DLGAP5: variants seen among roughly 807,000 people sequenced by gnomAD.
The protein encoded by DLGAP5 is DLG associated protein 5, also known as disks large-associated protein 5.
DLGAP5 carries 90 observed loss-of-function variants against 99.6 expected under a neutral mutation model. That is an observed-to-expected ratio of 0.90 (90% CI 0.76 to 1.08). The LOEUF (loss-of-function observed/expected upper bound fraction) is 1.08. DLGAP5 is among the 50% of genes least tolerant of loss of function. DLGAP5 has a pLI of 0.00. For synonymous variants in DLGAP5, 311 were observed against 321.3 expected (o/e 0.97, Z 0.34); for missense variants, 1,036 against 983.5 (o/e 1.05, Z -0.71).
chr14:55,175,901 C>G lies in DLGAP5; in HGVS notation c.1167G>C (p.Trp389Cys). The G allele has an allele frequency of 6.3e-7, 1 of 1,591,312 alleles. No individual in the cohort carries two copies. ...ATTAATTAAATACTATACCTTCATG[C>G]CAAACAGTTAGAGGACCCAAAGGAC... Reference protein sequence around the residue: ...LPCPLGPLTVWHEEHVLNKNE... With the variant: ...LPCPLGPLTVCHEEHVLNKNE... The change falls in exon 9 of 19, where the codon TGG becomes TGC. Residue 389 changes from tryptophan to cysteine, a missense_variant. Physicochemically the swap from Trp to Cys is radical, Grantham distance 215 (BLOSUM62 -2). Coordinates refer to ENST00000247191, the MANE Select transcript of DLGAP5 (RefSeq NM_014750.5).
intron 2 of DLGAP5, among the ~76,000 whole-genome samples, chr14:55,186,266 C>T (rs757894391): frequency 7.2e-5 from 11 of 152,026 alleles, no homozygotes; most frequent in Non-Finnish European, 1.6e-4. Context: ...AGCAAAACTC[C>T]GTCTCAAAAA....
At chr14:55,152,508 G>A in intron 16 of DLGAP5, 82 bp downstream of exon 16, 1 of 1,041,628 alleles carries the variant, frequency 9.6e-7, no homozygotes, top group Non-Finnish European at 1.3e-6. Flanking sequence ...GAAATTCTGG[G>A]GATGCTTTAC....
intron 10 of DLGAP5, among the ~76,000 whole-genome samples, chr14:55,174,143 G>A (rs944315726): frequency 7.2e-5 from 11 of 152,166 alleles, no homozygotes; most frequent in African/African-American, 1.4e-4. Flanking sequence ...AAGAGAATGC[G>A]CACCTGGGGG....
At chr14:55,153,774 T>C (rs1566493579) in intron 15 of DLGAP5, among the ~76,000 whole-genome samples, 1 of 151,810 alleles carries the variant, frequency 6.6e-6, no homozygotes, top group Non-Finnish European at 1.5e-5. Flanking sequence ...ATATACAAAG[T>C]AGGCCGGGCA....
In DLGAP5 at chr14:55,158,509, A is replaced by C. The variant is rs761825301; in HGVS notation, c.1873+13T>G. 6.2e-7 allele frequency: 1 copy of C among 1,601,118 alleles called. No homozygotes were observed. Among genetic ancestry groups the C allele is most frequent in the Admixed American group, 1.7e-5 (1 of 57,650 alleles). On this transcript the variant is annotated intron_variant, in intron 14 of 18. Transcript: ENST00000247191. ...GGAAAAACAAAAAAAATAAAAAATC[A>C]AAAACAACTAACCTGAGAATAATTT...
chr14:55,176,885 G>A (rs1035064641), intron 8 of DLGAP5, among the ~76,000 whole-genome samples, 177 bp downstream of exon 8: 1 of 138,990 alleles, frequency 7.2e-6, no homozygotes, highest in African/African-American at 2.7e-5. Context: ...GGCTGAGGCA[G>A]AAGAATGGCG....
At position 55,150,823 on chromosome 14, in the gene DLGAP5, AGT is replaced by A. The variant is rs776955946; in HGVS notation, c.2392_2393del (p.Thr798TyrfsTer2). 6.3e-7 allele frequency: 1 copy of A among 1,582,174 alleles called. No homozygotes were observed. Among genetic ancestry groups the A allele is most frequent in the South Asian group, 1.2e-5 (1 of 84,294 alleles). On this transcript the variant is annotated frameshift_variant, in exon 18 of 19. Coordinates refer to ENST00000247191, the MANE Select transcript of DLGAP5 (RefSeq NM_014750.5). LOFTEE classifies it low-confidence loss of function (END_TRUNC). ...CTGAATCAAGAAGGTGGCATTCAGT[AGT>A]GAGACTTTTATTATCAAATAGTTCT... ...QSELFDNKSL[T>X]TECHLLDSPG... is the part of the protein sequence containing the mutation.
intron 8 of DLGAP5, 41 bp downstream of exon 8, chr14:55,177,021 C>T (rs189384962): frequency 1.1e-5 from 11 of 1,046,540 alleles, no homozygotes; most frequent in Non-Finnish European, 1.4e-5. Context: ...CATTTATTAC[C>T]CATCTTAGCA....
intron 12 of DLGAP5, 94 bp downstream of exon 12, chr14:55,169,305 T>A (rs945171873): frequency 2.1e-5 from 16 of 777,704 alleles, no homozygotes; most frequent in Non-Finnish European, 3.0e-5. Flanking sequence ...TACAGGTACA[T>A]AAGCAGCTAC....
In DLGAP5 at chr14:55,182,361, C is replaced by G. The variant is rs775923606; in HGVS notation, c.495+9G>C. 2.5e-6 allele frequency: 4 copies of G among 1,605,668 alleles called. No homozygotes were observed. The Admixed American group carries it at 5.2e-5, about 21-fold the overall frequency. Reference sequence around the variant, plus strand: ...CATTTTAGTAACAATTATCTACTATCAACTATACCTTAGTCTGCTCCATTT... The same window carrying G: ...CATTTTAGTAACAATTATCTACTATGAACTATACCTTAGTCTGCTCCATTT... On this transcript the variant is annotated intron_variant, in intron 4 of 18. Transcript: ENST00000247191.
chr14:55,169,359 A>AT lies in DLGAP5; in HGVS notation c.1548+39_1548+40insA, dbSNP rs1368271549. On this transcript the variant is annotated intron_variant, in intron 12 of 18. Transcript: ENST00000247191. ...CTGCTACTTAAAAAAAAAAAAAAAAAAGCCCTAAGTTAATATATTTGAAAT... is the reference window on the plus strand; with the variant it reads ...CTGCTACTTAAAAAAAAAAAAAAAAATAGCCCTAAGTTAATATATTTGAAAT... The AT allele has an allele frequency of 2.3e-6, 3 of 1,329,314 alleles. No individual in the cohort carries two copies. In the African/African-American group the frequency reaches 5.1e-5, roughly 22 times the overall value. The allele number at this position is 1,329,314 out of a possible 1,614,324, so 82.3% of individuals were successfully genotyped here. A position where few individuals can be genotyped will look rare whatever the true frequency, so the allele number is the denominator to read the frequency against.
At position 55,177,351 on chromosome 14, in the gene DLGAP5, A is replaced by T; in HGVS notation, c.775-15T>A. The T allele has an allele frequency of 6.4e-7, 1 of 1,560,206 alleles. No individual in the cohort carries two copies. Among genetic ancestry groups the T allele is most frequent in the Non-Finnish European group, 8.6e-7 (1 of 1,159,702 alleles). ...CAAGAAATACCCTAGGATGTGAGTT[A>T]ACAAAGTAGAGTAAGATTTCTCTCT... On this transcript the variant is annotated splice_polypyrimidine_tract_variant and intron_variant, in intron 7 of 18. Coordinates refer to ENST00000247191, the MANE Select transcript of DLGAP5 (RefSeq NM_014750.5).
At chr14:55,178,634 A>T (rs954639783) in intron 7 of DLGAP5, among the ~76,000 whole-genome samples, 1 of 152,256 alleles carries the variant, frequency 6.6e-6, no homozygotes, top group Non-Finnish European at 1.5e-5. Flanking sequence ...GGGGGGACCT[A>T]TAAGGTCCAG....
At chr14:55,178,176 C>T (rs1185138714) in intron 7 of DLGAP5, among the ~76,000 whole-genome samples, 2 of 151,744 alleles carry the variant, frequency 1.3e-5, no homozygotes, top group Non-Finnish European at 2.9e-5. Flanking sequence ...GGTGAGAAAC[C>T]GGGAGGTGGA....
intron 13 of DLGAP5, among the ~76,000 whole-genome samples, chr14:55,161,724 T>C (rs1882443062): frequency 6.7e-6 from 1 of 150,270 alleles, no homozygotes; most frequent in African/African-American, 2.4e-5. Flanking sequence ...AAAATATTTT[T>C]TAAGGCCGAG....
At chr14:55,182,289 G>C (rs1883304089) in intron 4 of DLGAP5, 81 bp downstream of exon 4, 2 of 1,170,500 alleles carry the variant, frequency 1.7e-6, no homozygotes, top group Non-Finnish European at 1.2e-6. Flanking sequence ...GTTTGAATCT[G>C]ATACTAGATT....
chr14:55,183,260 G>A (rs747793003), intron 3 of DLGAP5, among the ~76,000 whole-genome samples: 3 of 152,002 alleles, frequency 2.0e-5, no homozygotes, highest in Admixed American at 1.3e-4. Flanking sequence ...TTTGACAACG[G>A]CACTACCCTT....
chr14:55,157,465 T>G (rs889995256), intron 14 of DLGAP5, among the ~76,000 whole-genome samples: 1 of 152,158 alleles, frequency 6.6e-6, no homozygotes, highest in Non-Finnish European at 1.5e-5. Context: ...AAATATCAGA[T>G]AGCAGGTATT....
intron 8 of DLGAP5, 84 bp downstream of exon 8, chr14:55,176,976 GAA>G (rs34109336): frequency 0.038 from 9,656 of 251,336 alleles, 3 homozygotes; most frequent in Middle Eastern, 0.044. Flanking sequence ...AACTCCGTCT[GAA>G]AAAAAAAAAA....
Sources: gnomAD v4.1 joint callset for allele counts (sites outside exome capture counted in the v4.1 genomes callset) on GRCh38, gnomAD v4.1.1 for gene constraint, MANE v1.5 for transcripts, NCBI Gene and HGNC (gene_info 2026-07-23, HGNC 2026-07-21) for gene names.